The following HTR2C variants were observed in gnomAD, a reference collection of about 807,000 sequenced individuals.
The protein encoded by HTR2C is 5-hydroxytryptamine receptor 2C, also known as 5-hydroxytryptamine (serotonin) receptor 2C, G protein-coupled.
Under a neutral mutation model 21.0 loss-of-function variants are expected in HTR2C, and 5 were observed. That is an observed-to-expected ratio of 0.24 (90% confidence interval 0.12 to 0.50). The LOEUF is 0.50. Ranked by LOEUF, HTR2C falls within the 20% of genes least tolerant of loss-of-function variation. The pLI is 0.98. For synonymous variants in HTR2C, 150 were observed against 145.3 expected, an observed-to-expected ratio of 1.03 and a Z score of -0.23; for missense variants, 271 against 371.2, an observed-to-expected ratio of 0.73 and a Z score of 2.22.
chrX:114,692,193 C>T (rs1932125409), intron 2 of HTR2C, among the ~76,000 whole-genome samples: 1 of 111,358 alleles, frequency 9.0e-6, no homozygotes, highest in South Asian at 3.7e-4. Context: ...TTTTAATAGT[C>T]ACCAGATATC....
At chrX:114,617,781 A>G (rs1363196324) in intron 2 of HTR2C, among the ~76,000 whole-genome samples, 1 of 112,059 alleles carries the variant, frequency 8.9e-6, no homozygotes, top group African/African-American at 3.2e-5. Context: ...GTGTTAAGTA[A>G]CAATAATTTG....
intron 4 of HTR2C, among the ~76,000 whole-genome samples, chrX:114,741,524 TAAAAAAAAAAAA>T (rs782206973): frequency 1.2e-3 from 6 of 4,901 alleles, no homozygotes; most frequent in Non-Finnish European, 2.6e-3. Context: ...CGACTCCGTC[TAAAAAAAAAAAA>T]AAAAAAAAAA....
chrX:114,826,286 G>T (rs1236138317), intron 4 of HTR2C, among the ~76,000 whole-genome samples: 2 of 109,833 alleles, frequency 1.8e-5, no homozygotes, highest in Non-Finnish European at 3.8e-5. Flanking sequence ...TTCCCAGGCT[G>T]GTCTCCTGGG....
intron 4 of HTR2C, among the ~76,000 whole-genome samples, chrX:114,798,334 T>C (rs1239124916): frequency 2.7e-5 from 3 of 110,894 alleles, no homozygotes; most frequent in Non-Finnish European, 3.8e-5. Flanking sequence ...CACAGTCCTT[T>C]ACAATCAAGA....
chrX:114,588,490 G>T (rs1927496260), intron 1 of HTR2C, among the ~76,000 whole-genome samples: 1 of 111,728 alleles, frequency 9.0e-6, no homozygotes, highest in African/African-American at 3.3e-5. Flanking sequence ...AGCGTTAATG[G>T]CAAGGTGTGG....
chrX:114,806,728 TATATATACACACC>T (rs2070451589), intron 4 of HTR2C, among the ~76,000 whole-genome samples: 1 of 83,442 alleles, frequency 1.2e-5, no homozygotes, highest in Non-Finnish European at 2.4e-5. Flanking sequence ...ATATACACCA[TATATATACACACC>T]ATATATATAC....
chrX:114,731,481 A>C lies in HTR2C; in HGVS notation c.223A>C (p.Ile75Leu), dbSNP rs1556423356. The change falls in exon 4 of 6, where the codon ATC becomes CTC. Residue 75 changes from isoleucine to leucine, a missense_variant. By Grantham distance (5) the Ile-to-Leu change is conservative. Transcript: ENST00000276198. ...GACAATAGGTGGCAACATCCTTGTGATCATGGCAGTAAGCATGGAAAAGAA... is the reference window on the plus strand; with the variant it reads ...GACAATAGGTGGCAACATCCTTGTGCTCATGGCAGTAAGCATGGAAAAGAA... ...IMTIGGNILV[I>L]MAVSMEKKLH... The C allele has an allele frequency of 8.3e-7, 1 of 1,208,009 alleles. No individual in the cohort carries two copies. The highest frequency in any genetic ancestry group is 1.8e-5 in the South Asian group (1 of 56,894).
intron 4 of HTR2C, among the ~76,000 whole-genome samples, chrX:114,833,408 T>C (rs1188729497): frequency 1.8e-5 from 2 of 110,603 alleles, no homozygotes; most frequent in Non-Finnish European, 3.8e-5. Flanking sequence ...GAGATTCAAC[T>C]TCTTCCTGGT....
chrX:114,617,557 T>C (rs1928997270), intron 2 of HTR2C, among the ~76,000 whole-genome samples: 1 of 112,671 alleles, frequency 8.9e-6, no homozygotes, highest in African/African-American at 3.2e-5. Flanking sequence ...TGTAGTTATC[T>C]GTTTTATTCA....
At chrX:114,891,590 T>C (rs895152782) in intron 5 of HTR2C, among the ~76,000 whole-genome samples, 8 of 110,441 alleles carry the variant, frequency 7.2e-5, no homozygotes, top group Non-Finnish European at 1.1e-4. Flanking sequence ...CAGCCTAGGA[T>C]TGAGGCAAAA....
intron 4 of HTR2C, among the ~76,000 whole-genome samples, chrX:114,806,821 T>C (rs1398706563): frequency 4.0e-5 from 4 of 100,255 alleles, no homozygotes; most frequent in Non-Finnish European, 8.0e-5. Flanking sequence ...ATATATACTG[T>C]ATATATATAC....
chrX:114,718,070 T>A (rs1030219671), intron 2 of HTR2C, among the ~76,000 whole-genome samples: 1 of 111,090 alleles, frequency 9.0e-6, no homozygotes, highest in East Asian at 2.9e-4. Context: ...TCACCCAGAC[T>A]GAAGTGCAGT....
intron 4 of HTR2C, among the ~76,000 whole-genome samples, chrX:114,742,073 C>T (rs970756288): frequency 3.6e-5 from 4 of 110,767 alleles, no homozygotes; most frequent in Non-Finnish European, 7.6e-5. Flanking sequence ...TTTTTGTCTC[C>T]TGGCTTTGTC....
chrX:114,794,775 A>G (rs1194029788), intron 4 of HTR2C, among the ~76,000 whole-genome samples: 2 of 109,100 alleles, frequency 1.8e-5, no homozygotes, highest in South Asian at 4.1e-4. Context: ...CCAGTCTATC[A>G]TTGTTGGACA....
intron 1 of HTR2C, among the ~76,000 whole-genome samples, chrX:114,602,942 T>C (rs1928193513): frequency 9.3e-6 from 1 of 107,253 alleles, no homozygotes; most frequent in Non-Finnish European, 1.9e-5. Flanking sequence ...ATTTCCTCGA[T>C]GGAAAGGAAA....
intron 5 of HTR2C, among the ~76,000 whole-genome samples, chrX:114,888,445 C>T (rs1427242215): frequency 2.7e-5 from 3 of 112,071 alleles, no homozygotes; most frequent in African/African-American, 9.7e-5. Context: ...TTCTCAGCTA[C>T]ACTTACCCAG....
chrX:114,655,578 A>T (rs1486352156), intron 2 of HTR2C, among the ~76,000 whole-genome samples: 1 of 111,402 alleles, frequency 9.0e-6, no homozygotes, highest in East Asian at 2.8e-4. Context: ...TTTTTACTAT[A>T]TTTTATGAAA....
chrX:114,705,035 C>G (rs1302460041), intron 2 of HTR2C, among the ~76,000 whole-genome samples: 1 of 106,277 alleles, frequency 9.4e-6, no homozygotes, highest in Non-Finnish European at 1.9e-5. Context: ...GAACTACAAA[C>G]CACTGCTCAA....
chrX:114,834,051 G>T (rs782462869), intron 4 of HTR2C, among the ~76,000 whole-genome samples: 23 of 111,060 alleles, frequency 2.1e-4, no homozygotes, highest in Middle Eastern at 4.6e-3. Context: ...TTTGATTGCA[G>T]TGTGGTCTGA....
Sources: gnomAD v4.1 joint callset for allele counts (sites outside exome capture counted in the v4.1 genomes callset) on GRCh38, gnomAD v4.1.1 for gene constraint, MANE v1.5 for transcripts, NCBI Gene and HGNC (gene_info 2026-07-23, HGNC 2026-07-21) for gene names.